The following KCNQ1 variants were observed in gnomAD, a reference collection of about 807,000 sequenced individuals.
The protein encoded by KCNQ1 is potassium voltage-gated channel subfamily KQT member 1.
Under a neutral mutation model 72.4 loss-of-function variants are expected in KCNQ1, and 49 were observed. The ratio of observed to expected loss-of-function variants is 0.68; its 90% confidence interval spans 0.54 to 0.86. The LOEUF is 0.86. Ranked by LOEUF, KCNQ1 falls within the 40% of genes least tolerant of loss-of-function variation. The pLI, the probability that KCNQ1 is intolerant of heterozygous loss-of-function variation, is 0.00. For missense variants in KCNQ1, 790 were observed against 945.1 expected (o/e 0.84, Z 2.15); for synonymous variants, 450 against 412.6 (o/e 1.09, Z -1.10).
chr11:2,742,263 A>G (rs757886872), intron 11 of KCNQ1, among the ~76,000 whole-genome samples: 1 of 152,184 alleles, frequency 6.6e-6, no homozygotes, highest in Non-Finnish European at 1.5e-5. Flanking sequence ...ATCAGCCTCT[A>G]TGAGATGGGC....
chr11:2,557,543 C>G (rs1848090600), intron 2 of KCNQ1, among the ~76,000 whole-genome samples: 1 of 152,230 alleles, frequency 6.6e-6, no homozygotes, highest in Non-Finnish European at 1.5e-5. Context: ...CGCATCACGC[C>G]TGAGCTCGCT....
At chr11:2,525,340 C>T (rs1436399820) in intron 1 of KCNQ1, among the ~76,000 whole-genome samples, 1 of 152,238 alleles carries the variant, frequency 6.6e-6, no homozygotes, top group African/African-American at 2.4e-5. Flanking sequence ...ACGGAGGGCT[C>T]CCCACAGGGT....
At position 2,691,716 on chromosome 11, in the gene KCNQ1, A is replaced by G; in HGVS notation, c.1514+29635A>G. ...CTCCCCATCTGTCCAGGGGAGAGGC[A>G]GCCCACAGGGAGCCACACAGGCAGG... On this transcript the variant is annotated intron_variant, in intron 11 of 15. Coordinates refer to ENST00000155840, the MANE Select transcript of KCNQ1 (RefSeq NM_000218.3). This position sits in a 1 kb window ranked among gnomAD's most constrained non-coding sequence, Gnocchi z 6.4. 2.5e-6 allele frequency: 1 copy of G among 398,586 alleles called. No homozygotes were observed. Among genetic ancestry groups the G allele is most frequent in the Admixed American group, 4.4e-5 (1 of 22,734 alleles). The allele number at this position is 398,586 out of a possible 1,614,324, so 24.7% of individuals were successfully genotyped here. A position where few individuals can be genotyped will look rare whatever the true frequency, so the allele number is the denominator to read the frequency against.
At chr11:2,575,023 G>A (rs960564557) in intron 6 of KCNQ1, among the ~76,000 whole-genome samples, 2 of 152,174 alleles carry the variant, frequency 1.3e-5, no homozygotes, top group Non-Finnish European at 2.9e-5. Flanking sequence ...TGGCAAGGTG[G>A]GCAGTGAGGA....
In KCNQ1 at chr11:2,825,770, C is replaced by T. The variant is rs16928713; in HGVS notation, c.1795-21997C>T. 3.4e-3 allele frequency among the ~76,000 whole-genome samples: 520 copies of T among 152,280 alleles called. 4 individuals carry two copies. The highest frequency in any genetic ancestry group is 0.012 in the African/African-American group (505 of 41,560). ...TCACACTTCAGTATGAATGAGTCTC[C>T]GGGTACTTTGCTCAGTAACGGACTG... On this transcript the variant is annotated intron_variant, in intron 15 of 15. Transcript: ENST00000155840.
chr11:2,481,827 C>G lies in KCNQ1; in HGVS notation c.386+36343C>G, dbSNP rs1454842733. On this transcript the variant is annotated intron_variant, in intron 1 of 15. Transcript: ENST00000155840. This position sits in a 1 kb window ranked among gnomAD's most constrained non-coding sequence, Gnocchi z 4.6. The stretch of plus-strand genomic sequence containing the variant: ...GTTGCAGGAAAACAAGCTCAGGGCT[C>G]TCACTGATTCTACATTATGGTGAGT... Among the ~76,000 whole-genome samples the G allele has an allele frequency of 6.6e-6, 1 of 152,172 alleles. No individual in the cohort carries two copies. The highest frequency in any genetic ancestry group is 6.5e-5 in the Admixed American group (1 of 15,274).
chr11:2,682,722 GA>G lies in KCNQ1; in HGVS notation c.1514+20643del. 2.5e-6 allele frequency: 1 copy of G among 398,612 alleles called. No homozygotes were observed. The highest frequency in any genetic ancestry group is 4.4e-6 in the Non-Finnish European group (1 of 226,078). 24.7% of individuals were successfully genotyped at this position (398,612 alleles called of 1,614,324 possible). On this transcript the variant is annotated intron_variant, in intron 11 of 15. Transcript: ENST00000155840. The surrounding 1 kb of genome is among the most constrained non-coding windows in gnomAD (Gnocchi z 5.8). ...TGACCAGAATATCTCTAGTCATAAAGAATCTCTTCCCCTTGAGCCCACTCAT... is the reference window on the plus strand; with the variant it reads ...TGACCAGAATATCTCTAGTCATAAAGATCTCTTCCCCTTGAGCCCACTCAT...
intron 15 of KCNQ1, among the ~76,000 whole-genome samples, chr11:2,819,401 G>C (rs562510144): frequency 6.6e-6 from 1 of 152,318 alleles, no homozygotes; most frequent in African/African-American, 2.4e-5. Flanking sequence ...ACACGTGTCA[G>C]CCCATACATG....
intron 10 of KCNQ1, chr11:2,631,038 G>A: frequency 2.5e-6 from 1 of 398,418 alleles, no homozygotes; most frequent in Non-Finnish European, 4.4e-6. Flanking sequence ...ACATTTTGAT[G>A]GCAATATATC....
chr11:2,770,313 G>A (rs1846571013), intron 12 of KCNQ1, among the ~76,000 whole-genome samples: 1 of 152,224 alleles, frequency 6.6e-6, no homozygotes, highest in African/African-American at 2.4e-5. Flanking sequence ...CCCCAGCTGT[G>A]AGGGGAATGA....
intron 11 of KCNQ1, among the ~76,000 whole-genome samples, chr11:2,760,898 A>AG (rs1339382390): frequency 1.3e-5 from 2 of 152,170 alleles, no homozygotes; most frequent in Non-Finnish European, 2.9e-5. Context: ...AGCAGCGTCT[A>AG]GGGGTGAATG....
At chr11:2,649,557 G>T in intron 10 of KCNQ1, 1 of 398,566 alleles carries the variant, frequency 2.5e-6, no homozygotes, top group East Asian at 3.6e-5. Context: ...GGATAGCTTT[G>T]CTGGGTATAG....
chr11:2,464,180 G>A lies in KCNQ1; in HGVS notation c.386+18696G>A, dbSNP rs896496746. Among the ~76,000 whole-genome samples the A allele has an allele frequency of 6.6e-6, 1 of 152,172 alleles. No individual in the cohort carries two copies. The highest frequency in any genetic ancestry group is 1.5e-5 in the Non-Finnish European group (1 of 68,018). The stretch of plus-strand genomic sequence containing the variant: ...AGATACAAGCTGTACGCAGTGGGCC[G>A]CAGGCGCTCCCTGGGCCGGAACACA... On this transcript the variant is annotated intron_variant, in intron 1 of 15. Transcript: ENST00000155840. The surrounding 1 kb of genome is among the most constrained non-coding windows in gnomAD (Gnocchi z 5.0).
At chr11:2,825,263 G>T (rs1334515026) in intron 15 of KCNQ1, among the ~76,000 whole-genome samples, 1 of 152,216 alleles carries the variant, frequency 6.6e-6, no homozygotes, top group African/African-American at 2.4e-5. Context: ...GGCAGGGTGG[G>T]CTCTGCAGCC....
At chr11:2,522,483 G>A (rs1847404886) in intron 1 of KCNQ1, among the ~76,000 whole-genome samples, 1 of 152,214 alleles carries the variant, frequency 6.6e-6, no homozygotes, top group South Asian at 2.1e-4. Flanking sequence ...GGCACCCCAG[G>A]CCCTGAGTGC....
Position 2,676,718 on chromosome 11 carries a change from C to A in KCNQ1, c.1514+14637C>A. The A allele has an allele frequency of 2.5e-6, 1 of 398,664 alleles. No individual in the cohort carries two copies. The highest frequency in any genetic ancestry group is 1.3e-4 in the South Asian group (1 of 7,852). The allele number at this position is 398,664 out of a possible 1,614,324, so 24.7% of individuals were successfully genotyped here. A position where few individuals can be genotyped will look rare whatever the true frequency, so the allele number is the denominator to read the frequency against. On this transcript the variant is annotated intron_variant, in intron 11 of 15. Coordinates refer to ENST00000155840, the MANE Select transcript of KCNQ1 (RefSeq NM_000218.3). The surrounding 1 kb of genome is among the most constrained non-coding windows in gnomAD (Gnocchi z 4.2). ...ACAGCCTGGCAGGAGATAACCAAGT[C>A]ATATGCATAGTGGCTTTGGGTACGA...
At position 2,526,474 on chromosome 11, in the gene KCNQ1, C is replaced by G. The variant is rs893519914; in HGVS notation, c.387-1454C>G. Among the ~76,000 whole-genome samples the G allele has an allele frequency of 7.2e-5, 11 of 151,916 alleles. No individual in the cohort carries two copies. Among genetic ancestry groups the G allele is most frequent in the Middle Eastern group, 3.4e-3 (1 of 294 alleles). On this transcript the variant is annotated intron_variant, in intron 1 of 15. Transcript: ENST00000155840. The surrounding 1 kb of genome is among the most constrained non-coding windows in gnomAD (Gnocchi z 6.1). ...CCCAGGGAGGGGGCCTGAGCAGGGT[C>G]TTTGGCTGAGTGAGCCCTCAAGGGC...
At chr11:2,799,299 G>C (rs531656908) in intron 15 of KCNQ1, among the ~76,000 whole-genome samples, 36 of 152,352 alleles carry the variant, frequency 2.4e-4, no homozygotes, top group African/African-American at 8.7e-4. Context: ...GGAGGTCACT[G>C]TTGTGGTGAC....
Position 2,614,316 on chromosome 11 carries a change from TTCTG to T in KCNQ1, c.1393+25468_1393+25471del, listed in dbSNP as rs1849026065. 1.0e-5 allele frequency: 4 copies of T among 398,626 alleles called. No individual in the cohort carries two copies. In the East Asian group the frequency reaches 1.4e-4, roughly 14 times the overall value. The allele number at this position is 398,626 out of a possible 1,614,324, so 24.7% of individuals were successfully genotyped here. On this transcript the variant is annotated intron_variant, in intron 10 of 15. Coordinates refer to ENST00000155840, the MANE Select transcript of KCNQ1 (RefSeq NM_000218.3). ...TAGAGTCTTCTTTTTCTGGTGATAA[TTCTG>T]TCTGTGCTGCTTTTTAGTCTTCTGT... is the stretch of plus-strand genomic sequence containing the variant.
Sources: allele counts gnomAD v4.1 joint callset (sites outside exome capture counted in the v4.1 genomes callset), GRCh38; gene constraint gnomAD v4.1.1; non-coding constraint Gnocchi (gnomAD v3.1); transcripts MANE v1.5; gene names NCBI Gene and HGNC (gene_info 2026-07-23, HGNC 2026-07-21).